SYT16: variants seen among roughly 807,000 people sequenced by gnomAD.
SYT16 encodes the protein synaptotagmin-16.
Under a neutral mutation model 61.4 loss-of-function variants are expected in SYT16, and 42 were observed. The observed-to-expected ratio is 0.68, with a 90% CI of 0.53 to 0.89. The LOEUF (loss-of-function observed/expected upper bound fraction) is 0.89. Among genes scored for constraint, SYT16 ranks in the 40% least tolerant of loss-of-function variants. The pLI is 0.00. For synonymous variants in SYT16, 314 were observed against 302.3 expected (o/e 1.04, Z -0.40); for missense variants, 804 against 807.3 (o/e 1.00, Z 0.05).
intron 3 of SYT16, among the ~76,000 whole-genome samples, chr14:62,026,264 T>C (rs1482961743): frequency 2.0e-5 from 3 of 152,202 alleles, no homozygotes; most frequent in Non-Finnish European, 4.4e-5. Flanking sequence ...CTGTTGCAAT[T>C]ACCCATTTTC....
chr14:62,032,355 A>C (rs1341027964), intron 3 of SYT16, among the ~76,000 whole-genome samples: 1 of 152,120 alleles, frequency 6.6e-6, no homozygotes, highest in African/African-American at 2.4e-5. Flanking sequence ...TCTTGGTAAG[A>C]TAAGAGTTAG....
intron 3 of SYT16, among the ~76,000 whole-genome samples, chr14:62,049,968 A>G (rs1211649919): frequency 6.6e-6 from 1 of 152,088 alleles, no homozygotes; most frequent in Non-Finnish European, 1.5e-5. Context: ...GCTCTTCTCA[A>G]AGAGTATCTT....
At chr14:61,913,733 T>A (rs1012826785) in intron 1 of SYT16, among the ~76,000 whole-genome samples, 1 of 151,530 alleles carries the variant, frequency 6.6e-6, no homozygotes. Flanking sequence ...TGTGTGTGTG[T>A]GAAATAAAAC....
intron 7 of SYT16, among the ~76,000 whole-genome samples, chr14:62,087,068 T>G (rs968441497): frequency 2.0e-5 from 3 of 152,138 alleles, no homozygotes; most frequent in African/African-American, 7.2e-5. Flanking sequence ...ACGGCCTTGG[T>G]TTTTCATTAT....
intron 1 of SYT16, among the ~76,000 whole-genome samples, chr14:61,966,120 C>A (rs1048631553): frequency 6.6e-5 from 10 of 151,140 alleles, no homozygotes; most frequent in African/African-American, 2.4e-4. Flanking sequence ...CATAGTTAAG[C>A]CATTACTACA....
chr14:61,938,725 A>C (rs1307520972), intron 1 of SYT16, among the ~76,000 whole-genome samples: 1 of 152,244 alleles, frequency 6.6e-6, no homozygotes, highest in Non-Finnish European at 1.5e-5. Context: ...GACATGGTTA[A>C]AAAACAGGTG....
At chr14:62,089,630 T>C (rs541996843) in intron 7 of SYT16, among the ~76,000 whole-genome samples, 1 of 152,220 alleles carries the variant, frequency 6.6e-6, no homozygotes, top group African/African-American at 2.4e-5. Flanking sequence ...CATGAACTTA[T>C]CTTAGTGCAA....
At chr14:62,035,807 C>T (rs183176164) in intron 3 of SYT16, among the ~76,000 whole-genome samples, 11 of 152,256 alleles carry the variant, frequency 7.2e-5, no homozygotes, top group Admixed American at 4.6e-4. Flanking sequence ...TCAACAGATC[C>T]GTATTAAGCA....
intron 1 of SYT16, among the ~76,000 whole-genome samples, chr14:61,871,116 T>A (rs1047524215): frequency 2.6e-5 from 4 of 152,338 alleles, no homozygotes; most frequent in Admixed American, 2.6e-4. Context: ...TTTAAACCTT[T>A]TTAGATGGGT....
At chr14:61,999,020 C>A (rs2140642937) in intron 3 of SYT16, among the ~76,000 whole-genome samples, 1 of 151,720 alleles carries the variant, frequency 6.6e-6, no homozygotes. Flanking sequence ...TTATGGTATT[C>A]TTTTAATGTA....
chr14:61,913,258 T>G (rs1169734114), intron 1 of SYT16, among the ~76,000 whole-genome samples: 5 of 152,160 alleles, frequency 3.3e-5, no homozygotes, highest in Admixed American at 1.3e-4. Flanking sequence ...AGAGCTGTAG[T>G]GCCCAGAACA....
chr14:62,098,510 A>G (rs2141017970), intron 7 of SYT16, among the ~76,000 whole-genome samples: 1 of 152,300 alleles, frequency 6.6e-6, no homozygotes, highest in Non-Finnish European at 1.5e-5. Flanking sequence ...TCCTTTCTAT[A>G]TTGACGCTAG....
intron 1 of SYT16, among the ~76,000 whole-genome samples, chr14:61,875,364 A>G (rs987947852): frequency 6.6e-6 from 1 of 152,226 alleles, no homozygotes; most frequent in Non-Finnish European, 1.5e-5. Context: ...TGGGAATTAG[A>G]GAAATTTATG....
chr14:61,947,267 CGTGTGTGT>C (rs59798244), intron 1 of SYT16, among the ~76,000 whole-genome samples: 1,321 of 125,910 alleles, frequency 0.01, 8 homozygotes, highest in Middle Eastern at 0.024. Context: ...TTTAGTCCTT[CGTGTGTGT>C]GTGTGTGTGT....
intron 1 of SYT16, among the ~76,000 whole-genome samples, chr14:61,836,749 A>G (rs913463840): frequency 2.0e-5 from 3 of 152,232 alleles, no homozygotes; most frequent in African/African-American, 7.2e-5. Context: ...AGGGCCGGGG[A>G]AACAAGCTTG....
At position 62,109,312 on chromosome 14, in the gene SYT16, A is replaced by G. The variant is rs1268971567; in HGVS notation, c.*8605A>G. The G allele has an allele frequency of 6.7e-6, 1 of 150,282 alleles. No homozygotes were observed. Among genetic ancestry groups the G allele is most frequent in the African/African-American group, 2.5e-5 (1 of 40,646 alleles). 9.3% of individuals were successfully genotyped at this position (150,282 alleles called of 1,614,324 possible). A position where few individuals can be genotyped will look rare whatever the true frequency, so the allele number is the denominator to read the frequency against. On this transcript the variant is annotated 3_prime_UTR_variant, in exon 8 of 8. Coordinates refer to ENST00000683842, the MANE Select transcript of SYT16 (RefSeq NM_001367656.1). ...GCTTTTTTTTTTTTCACTTAGGGAT[A>G]GTCATGTAAGTTTTCATGTCTTTTT...
At chr14:61,859,800 G>T (rs571897357) in intron 1 of SYT16, among the ~76,000 whole-genome samples, 1 of 152,028 alleles carries the variant, frequency 6.6e-6, no homozygotes, top group Non-Finnish European at 1.5e-5. Context: ...GGCTCCAAGC[G>T]AACTATATTA....
chr14:61,875,112 A>G (rs1246992360), intron 1 of SYT16, among the ~76,000 whole-genome samples: 1 of 152,226 alleles, frequency 6.6e-6, no homozygotes, highest in African/African-American at 2.4e-5. Flanking sequence ...TTTTGGCACA[A>G]TTGCCATGAG....
chr14:62,075,392 G>T lies in SYT16; in HGVS notation c.993+1G>T. ...CAGCTCCTCCATGTGGAGTCCAGAG[G>T]CAAGTTATTTGTTTTTCATTCTTTC... On this transcript the variant is annotated splice_donor_variant, in intron 5 of 7. Transcript: ENST00000683842. LOFTEE classifies it high-confidence loss of function. The T allele has an allele frequency of 6.3e-7, 1 of 1,595,984 alleles. No individual in the cohort carries two copies.
Sources: gnomAD v4.1 joint callset for allele counts (sites outside exome capture counted in the v4.1 genomes callset) on GRCh38, gnomAD v4.1.1 for gene constraint, MANE v1.5 for transcripts, NCBI Gene and HGNC (gene_info 2026-07-23, HGNC 2026-07-21) for gene names.